The following XYLT1 variants were observed in gnomAD, a reference collection of about 807,000 sequenced individuals.
XYLT1 encodes xylosyltransferase 1.
Under a neutral mutation model 91.3 loss-of-function variants are expected in XYLT1, and 36 were observed. That is an observed-to-expected ratio of 0.39 (90% CI 0.30 to 0.52). The LOEUF (loss-of-function observed/expected upper bound fraction) is 0.52. Among genes scored for constraint, XYLT1 ranks in the 20% least tolerant of loss-of-function variants. The pLI is 0.68. For missense variants in XYLT1, 1,242 were observed against 1,284.5 expected, an observed-to-expected ratio of 0.97 and a Z score of 0.51; for synonymous variants, 588 against 532.0, an observed-to-expected ratio of 1.11 and a Z score of -1.45.
chr16:17,279,824 G>T (rs1164290498), intron 2 of XYLT1, among the ~76,000 whole-genome samples: 1 of 152,174 alleles, frequency 6.6e-6, no homozygotes, highest in Non-Finnish European at 1.5e-5. Flanking sequence ...ACAGGACCCT[G>T]CAAGTCCTCA....
chr16:17,348,547 G>A (rs1341620841), intron 2 of XYLT1, among the ~76,000 whole-genome samples: 1 of 152,126 alleles, frequency 6.6e-6, no homozygotes. Context: ...GCAAAGGAAG[G>A]GTGTGAGAGC....
chr16:17,376,827 C>CA lies in XYLT1; in HGVS notation c.364-18778dup, dbSNP rs10684824. On this transcript the variant is annotated intron_variant, in intron 1 of 11. Transcript: ENST00000261381. Reference sequence around the variant, plus strand: ...GAGCAACAAGAGCAAAACTCTGTCTCAAAAAAAAAAAAAAAAAAAAAAAAA... The same window carrying CA: ...GAGCAACAAGAGCAAAACTCTGTCTCAAAAAAAAAAAAAAAAAAAAAAAAAA... Among the ~76,000 whole-genome samples the CA allele has an allele frequency of 3.1e-3, 170 of 55,656 alleles. 9 individuals carry two copies. The highest frequency in any genetic ancestry group is 9.1e-3 in the African/African-American group (113 of 12,402). 36.5% of individuals were successfully genotyped at this position (55,656 alleles called of 152,430 possible). A position where few individuals can be genotyped will look rare whatever the true frequency, so the allele number is the denominator to read the frequency against.
rs369729289 is a variant in XYLT1, at chr16:17,352,022, T to C, written c.402+5990A>G. Among the ~76,000 whole-genome samples the C allele has an allele frequency of 8.5e-5, 13 of 152,156 alleles. No homozygotes were observed. The East Asian group carries it at 1.2e-3, about 14-fold the overall frequency. On this transcript the variant is annotated intron_variant, in intron 2 of 11. Coordinates refer to ENST00000261381, the MANE Select transcript of XYLT1 (RefSeq NM_022166.4). ...AGCATACACCTGTAGTCCCAACTACTTGGGAGGCTGAGGTGGGAGCCCAGG... is the reference window on the plus strand; with the variant it reads ...AGCATACACCTGTAGTCCCAACTACCTGGGAGGCTGAGGTGGGAGCCCAGG...
intron 5 of XYLT1, among the ~76,000 whole-genome samples, chr16:17,162,991 A>T (rs2141546504): frequency 6.6e-6 from 1 of 152,370 alleles, no homozygotes; most frequent in Non-Finnish European, 1.5e-5. Flanking sequence ...GTGCCACAGT[A>T]CTTGGCATAT....
intron 3 of XYLT1, among the ~76,000 whole-genome samples, chr16:17,253,823 T>TGAGAGAGAGAGAGAGAGAGA (rs3060128): frequency 1.9e-4 from 22 of 114,882 alleles, no homozygotes; most frequent in Admixed American, 1.7e-3. Flanking sequence ...CCTTGCAACT[T>TGAGAGAGAGAGAGAGAGAGA]GAGAGAGAGA....
chr16:17,242,109 C>T (rs991512533), intron 3 of XYLT1, among the ~76,000 whole-genome samples: 8 of 152,160 alleles, frequency 5.3e-5, no homozygotes, highest in African/African-American at 1.9e-4. Flanking sequence ...CAATTACCTC[C>T]CACTAGGTCC....
intron 1 of XYLT1, among the ~76,000 whole-genome samples, chr16:17,410,318 G>A (rs1000967990): frequency 2.0e-5 from 3 of 152,216 alleles, no homozygotes; most frequent in Admixed American, 6.5e-5. Flanking sequence ...AGACACATCC[G>A]AGACTGGGCA....
rs1268008055 is a variant in XYLT1 at position 17,106,985 on chromosome 16, G to A, written c.*1710C>T. On this transcript the variant is annotated 3_prime_UTR_variant, in exon 12 of 12. Transcript: ENST00000261381. ...AACCGAGAGAGAGAGAGACACCAGG[G>A]GGTGGGAAAAGATGGGAAAAGGGGC... 1 of 152,128 alleles carries A rather than the reference G, an allele frequency of 6.6e-6. No homozygotes were observed. The highest frequency in any genetic ancestry group is 2.4e-5 in the African/African-American group (1 of 41,430). 9.4% of individuals were successfully genotyped at this position (152,128 alleles called of 1,614,324 possible).
At chr16:17,255,929 A>C (rs998497383) in intron 3 of XYLT1, among the ~76,000 whole-genome samples, 2 of 152,086 alleles carry the variant, frequency 1.3e-5, no homozygotes, top group Admixed American at 6.5e-5. Flanking sequence ...AATCACTTGA[A>C]CCTAAGAGTT....
chr16:17,295,072 G>A lies in XYLT1; in HGVS notation c.403-35574C>T, dbSNP rs8043678. 3.4e-3 allele frequency among the ~76,000 whole-genome samples: 523 copies of A among 152,278 alleles called. 1 individual carries two copies. The highest frequency in any genetic ancestry group is 0.012 in the African/African-American group (487 of 41,556). The stretch of plus-strand genomic sequence containing the variant: ...AATGGGTGCATTTCTTAATAAGGTG[G>A]TCAAGGCAGGCTTTAGACTGAAAAG... On this transcript the variant is annotated intron_variant, in intron 2 of 11. Coordinates refer to ENST00000261381, the MANE Select transcript of XYLT1 (RefSeq NM_022166.4).
intron 3 of XYLT1, among the ~76,000 whole-genome samples, chr16:17,215,917 GC>G (rs2032849187): frequency 6.6e-6 from 1 of 152,070 alleles, no homozygotes; most frequent in African/African-American, 2.4e-5. Context: ...AGAGTAACAA[GC>G]CCTTTCATCA....
At chr16:17,226,723 C>T (rs1219788278) in intron 3 of XYLT1, among the ~76,000 whole-genome samples, 4 of 151,876 alleles carry the variant, frequency 2.6e-5, no homozygotes, top group Non-Finnish European at 4.4e-5. Context: ...GCAGAGATTG[C>T]AGTGAGCCGA....
intron 4 of XYLT1, 28 bp from the exon 5 acceptor site, chr16:17,198,442 C>G (rs1200176657): frequency 6.2e-7 from 1 of 1,605,750 alleles, no homozygotes; most frequent in Non-Finnish European, 8.5e-7. Flanking sequence ...AGGGTGATGA[C>G]AGTCAGTGGC....
chr16:17,396,158 C>T lies in XYLT1; in HGVS notation c.364-38108G>A, dbSNP rs558220943. Among the ~76,000 whole-genome samples, 35 of 152,336 alleles carry T rather than the reference C, an allele frequency of 2.3e-4. No individual in the cohort carries two copies. In the South Asian group the frequency reaches 6.4e-3, roughly 28 times the overall value. On this transcript the variant is annotated intron_variant, in intron 1 of 11. Transcript: ENST00000261381. Reference sequence around the variant, plus strand: ...GGTTACAATGCAACGTTTGTATCTACACCCCTCCTGTACAGGTTTGCAAAA... The same window carrying T: ...GGTTACAATGCAACGTTTGTATCTATACCCCTCCTGTACAGGTTTGCAAAA...
chr16:17,240,600 G>T (rs2033330811), intron 3 of XYLT1, among the ~76,000 whole-genome samples: 1 of 152,214 alleles, frequency 6.6e-6, no homozygotes, highest in Non-Finnish European at 1.5e-5. Flanking sequence ...CTTGCTGCTG[G>T]TTGAAATGTG....
chr16:17,228,248 C>T (rs2033102265), intron 3 of XYLT1, among the ~76,000 whole-genome samples: 2 of 152,258 alleles, frequency 1.3e-5, no homozygotes, highest in East Asian at 1.9e-4. Context: ...AAGGCATTCC[C>T]GATTGACAGG....
At chr16:17,172,739 C>T (rs969227309) in intron 5 of XYLT1, among the ~76,000 whole-genome samples, 1 of 152,176 alleles carries the variant, frequency 6.6e-6, no homozygotes, top group Non-Finnish European at 1.5e-5. Flanking sequence ...TCCCAAAGTG[C>T]TGGGATAACA....
chr16:17,118,345 C>T (rs969789920), intron 10 of XYLT1, among the ~76,000 whole-genome samples: 1 of 152,028 alleles, frequency 6.6e-6, no homozygotes, highest in Admixed American at 6.5e-5. Context: ...AAACATACAC[C>T]CTGCCACTCA....
At chr16:17,140,826 A>G (rs759998959) in intron 7 of XYLT1, among the ~76,000 whole-genome samples, 1 of 152,216 alleles carries the variant, frequency 6.6e-6, no homozygotes, top group African/African-American at 2.4e-5. Flanking sequence ...GAAAATAGCC[A>G]TAAGGTTCTT....
Sources: allele counts gnomAD v4.1 joint callset (sites outside exome capture counted in the v4.1 genomes callset), GRCh38; gene constraint gnomAD v4.1.1; transcripts MANE v1.5; gene names NCBI Gene and HGNC (gene_info 2026-07-23, HGNC 2026-07-21).